The following CDH2 variants were observed in gnomAD, a reference collection of about 807,000 sequenced individuals.
The protein encoded by CDH2 is cadherin-2.
Under a neutral mutation model 92.0 loss-of-function variants are expected in CDH2, and 17 were observed. The observed-to-expected ratio is 0.18, with a 90% confidence interval of 0.13 to 0.28. CDH2 has a LOEUF of 0.28. Ranked by LOEUF, CDH2 falls within the 10% of genes least tolerant of loss-of-function variation. CDH2 has a pLI of 1.00. For missense variants in CDH2, 862 were observed against 1,133.1 expected, an observed-to-expected ratio of 0.76 and a Z score of 3.44; for synonymous variants, 419 against 415.9, an observed-to-expected ratio of 1.01 and a Z score of -0.09.
chr18:28,154,834 T>C (rs1463184646), intron 1 of CDH2, among the ~76,000 whole-genome samples: 3 of 152,196 alleles, frequency 2.0e-5, no homozygotes, highest in Non-Finnish European at 2.9e-5. Context: ...TTTATGATTA[T>C]TGGCTAAAAA....
At chr18:28,000,629 G>A (rs569608525) in intron 7 of CDH2, among the ~76,000 whole-genome samples, 1 of 152,210 alleles carries the variant, frequency 6.6e-6, no homozygotes, top group African/African-American at 2.4e-5. Flanking sequence ...GGAAAGGCCA[G>A]GAATACTACC....
chr18:28,146,785 C>T (rs1460203586), intron 2 of CDH2: 1 of 152,006 alleles, frequency 6.6e-6, no homozygotes. Flanking sequence ...TGAGGTTACG[C>T]AGATTTTCTA....
At position 28,003,153 on chromosome 18, in the gene CDH2, G is replaced by A. The variant is rs750197887; in HGVS notation, c.864C>T (p.Thr288=). The part of the protein sequence containing the change: ...EGSKPGTYVM[T]VTAIDADDPN... ...GATCGTCAGCATCAATTGCTGTTACGGTCATCACATATGTTCCTAGAGACA... is the reference window on the plus strand; with the variant it reads ...GATCGTCAGCATCAATTGCTGTTACAGTCATCACATATGTTCCTAGAGACA... Residue 288 remains threonine (T), a synonymous_variant, in exon 7 of 16, where the codon ACC becomes ACT. Coordinates refer to ENST00000269141, the MANE Select transcript of CDH2 (RefSeq NM_001792.5). 1.6e-5 allele frequency: 26 copies of A among 1,613,476 alleles called. No homozygotes were observed. The highest frequency in any genetic ancestry group is 2.0e-5 in the Non-Finnish European group (24 of 1,179,668).
chr18:28,151,673 AG>A (rs2016124974), intron 1 of CDH2, among the ~76,000 whole-genome samples: 1 of 152,172 alleles, frequency 6.6e-6, no homozygotes, highest in South Asian at 2.1e-4. Context: ...TGCCAGGCCT[AG>A]GATGAAATTC....
chr18:28,007,165 A>AAAAAAAATAT (rs1172779200), intron 5 of CDH2, among the ~76,000 whole-genome samples: 13 of 110,460 alleles, frequency 1.2e-4, no homozygotes, highest in African/African-American at 5.3e-4. Context: ...ATAAAAAAAA[A>AAAAAAAATAT]ATATATATAT....
At chr18:28,033,653 T>C (rs1322560697) in intron 2 of CDH2, among the ~76,000 whole-genome samples, 1 of 152,126 alleles carries the variant, frequency 6.6e-6, no homozygotes, top group Non-Finnish European at 1.5e-5. Flanking sequence ...AGTGGCACTT[T>C]TGAAACACAG....
At chr18:27,981,542 G>T (rs1427881579) in intron 14 of CDH2, among the ~76,000 whole-genome samples, 1 of 152,162 alleles carries the variant, frequency 6.6e-6, no homozygotes, top group Non-Finnish European at 1.5e-5. Context: ...ATCAGAACAT[G>T]AGGCCTTGAG....
chr18:27,937,732 G>A (rs1006888720), intron 6 of CDH2, among the ~76,000 whole-genome samples: 8 of 152,088 alleles, frequency 5.3e-5, no homozygotes, highest in Admixed American at 1.3e-4. Flanking sequence ...AGCTTTCTTC[G>A]ACATAAATTG....
chr18:28,177,056 G>A lies in CDH2; in HGVS notation c.-34C>T, dbSNP rs1452785687. 2 of 1,463,104 alleles carry A rather than the reference G, an allele frequency of 1.4e-6. No individual in the cohort carries two copies. Among genetic ancestry groups the A allele is most frequent in the Non-Finnish European group, 1.8e-6 (2 of 1,106,476 alleles). 90.6% of individuals were successfully genotyped at this position (1,463,104 alleles called of 1,614,324 possible). A position where few individuals can be genotyped will look rare whatever the true frequency, so the allele number is the denominator to read the frequency against. ...AGAGGGGCCGAGCGAAGAGCCGGAG[G>A]AGGCGGCGGCGGCGGCGGCGGCGGC... On this transcript the variant is annotated 5_prime_UTR_variant, in exon 1 of 16. Transcript: ENST00000269141.
intron 15 of CDH2, among the ~76,000 whole-genome samples, chr18:27,956,789 AT>A (rs1377564239): frequency 2.6e-5 from 4 of 152,206 alleles, no homozygotes; most frequent in Non-Finnish European, 4.4e-5. Context: ...CTTTAAAACA[AT>A]TATTTAAGAA....
intron 2 of CDH2, among the ~76,000 whole-genome samples, chr18:28,037,990 GAAGT>G (rs2013870348): frequency 6.6e-6 from 1 of 152,176 alleles, no homozygotes; most frequent in Admixed American, 6.6e-5. Flanking sequence ...TAATTGAAGG[GAAGT>G]AAGGAGTCAA....
At chr18:28,046,365 A>C (rs2014075780) in intron 2 of CDH2, among the ~76,000 whole-genome samples, 1 of 152,224 alleles carries the variant, frequency 6.6e-6, no homozygotes, top group South Asian at 2.1e-4. Context: ...TATTTTAACA[A>C]GCTCATTAAA....
chr18:27,955,761 GTTTT>G (rs5823568), intron 15 of CDH2, among the ~76,000 whole-genome samples: 2 of 111,714 alleles, frequency 1.8e-5, no homozygotes, highest in African/African-American at 7.1e-5. Flanking sequence ...CTTTATTTCT[GTTTT>G]TTTTTTTTTT....
At chr18:28,148,469 TA>T in intron 1 of CDH2, among the ~76,000 whole-genome samples, 1 of 152,178 alleles carries the variant, frequency 6.6e-6, no homozygotes, top group African/African-American at 2.4e-5. Flanking sequence ...TCAGTGTGCT[TA>T]AAACTCAGTC....
chr18:28,032,252 T>C (rs965266742), intron 2 of CDH2, among the ~76,000 whole-genome samples: 3 of 152,106 alleles, frequency 2.0e-5, no homozygotes, highest in Non-Finnish European at 4.4e-5. Flanking sequence ...AGTCTGGTGT[T>C]GAGCCACGGT....
intron 11 of CDH2, among the ~76,000 whole-genome samples, chr18:27,987,292 G>A (rs563483363): frequency 6.6e-6 from 1 of 152,294 alleles, no homozygotes; most frequent in African/African-American, 2.4e-5. Context: ...ATGCTTTGAT[G>A]TACAATGGCA....
At chr18:27,986,103 T>C (rs901774077) in intron 11 of CDH2, among the ~76,000 whole-genome samples, 4 of 152,128 alleles carry the variant, frequency 2.6e-5, no homozygotes, top group Non-Finnish European at 4.4e-5. Context: ...GTGTTGGAGA[T>C]GCAAACACAG....
chr18:28,117,547 A>T (rs2015515947), intron 2 of CDH2, among the ~76,000 whole-genome samples: 1 of 152,150 alleles, frequency 6.6e-6, no homozygotes, highest in Admixed American at 6.6e-5. Context: ...GTCACAAAAT[A>T]GATTCACAAA....
chr18:27,972,807 G>C (rs1393627777), intron 14 of CDH2, among the ~76,000 whole-genome samples: 1 of 152,134 alleles, frequency 6.6e-6, no homozygotes, highest in Non-Finnish European at 1.5e-5. Context: ...CAGAGCTTAA[G>C]GTCAGGACCA....
Sources: gnomAD v4.1 joint callset for allele counts (sites outside exome capture counted in the v4.1 genomes callset) on GRCh38, gnomAD v4.1.1 for gene constraint, MANE v1.5 for transcripts, NCBI Gene and HGNC (gene_info 2026-07-23, HGNC 2026-07-21) for gene names.